ESRRG: variants seen among roughly 807,000 people sequenced by gnomAD.
ESRRG encodes the protein estrogen related receptor gamma.
In ESRRG, 13 loss-of-function variants were observed where a neutral mutation model predicts 44.0. The observed-to-expected ratio is 0.30, with a 90% CI of 0.19 to 0.47. ESRRG has a LOEUF of 0.47. ESRRG is among the 20% of genes least tolerant of loss of function. ESRRG has a pLI of 1.00. For synonymous variants in ESRRG, 215 were observed against 214.6 expected (o/e 1.00, Z -0.02); for missense variants, 395 against 580.6 (o/e 0.68, Z 3.29).
intron 3 of ESRRG, among the ~76,000 whole-genome samples, chr1:216,606,827 T>C (rs1181058981): frequency 1.3e-5 from 2 of 152,184 alleles, no homozygotes; most frequent in African/African-American, 2.4e-5. Flanking sequence ...TGAGAATTAT[T>C]TTAACTCTTC....
rs2086384152 is a variant in ESRRG, at chr1:217,053,138, A to AAAAAAAAAAAAAAAAAAAAC, written c.-106+36368_-106+36369insGTTTTTTTTTTTTTTTTTTT. On this transcript the variant is annotated intron_variant, in intron 1 of 7. Coordinates refer to the ESRRG transcript ENST00000359162. ...AACATAGCAAAATCCCATCTTAAAAAAAAAAAAAAAAAAAACAGAAAGAAA... is the reference window on the plus strand; with the variant it reads ...AACATAGCAAAATCCCATCTTAAAAAAAAAAAAAAAAAAAAAAAACAAAAAAAAAAAAAAACAGAAAGAAA... Among the ~76,000 whole-genome samples, 4 of 120,326 alleles carry AAAAAAAAAAAAAAAAAAAAC rather than the reference A, an allele frequency of 3.3e-5. No homozygotes were observed. In the East Asian group the frequency reaches 6.3e-4, roughly 19 times the overall value. The allele number at this position is 120,326 out of a possible 152,430, so 78.9% of individuals were successfully genotyped here.
At chr1:217,126,979 T>C (rs758988855) in intron 1 of ESRRG, among the ~76,000 whole-genome samples, 3 of 152,230 alleles carry the variant, frequency 2.0e-5, no homozygotes, top group Non-Finnish European at 4.4e-5. Flanking sequence ...ATTATTTACC[T>C]TTTGTGCATA....
chr1:217,080,024 C>T (rs1334157497), intron 1 of ESRRG, among the ~76,000 whole-genome samples: 1 of 152,158 alleles, frequency 6.6e-6, no homozygotes, highest in African/African-American at 2.4e-5. Context: ...TGGTAAATTG[C>T]AGCCTAAACA....
intron 2 of ESRRG, among the ~76,000 whole-genome samples, chr1:216,738,911 G>T (rs2090316291): frequency 6.6e-6 from 1 of 152,124 alleles, no homozygotes; most frequent in East Asian, 1.9e-4. Context: ...GAGTGCAGTG[G>T]TGCAATCATA....
At chr1:217,061,485 A>G (rs902292425) in intron 1 of ESRRG, among the ~76,000 whole-genome samples, 1 of 152,082 alleles carries the variant, frequency 6.6e-6, no homozygotes, top group African/African-American at 2.4e-5. Flanking sequence ...CTCCCCCCAC[A>G]CTTAAATATG....
chr1:216,768,974 A>G (rs2093252485), intron 2 of ESRRG, among the ~76,000 whole-genome samples: 1 of 152,106 alleles, frequency 6.6e-6, no homozygotes, highest in South Asian at 2.1e-4. Flanking sequence ...TAGAACTGAC[A>G]TTAAGTCACA....
In ESRRG at chr1:216,773,298, C is replaced by A. The variant is rs376456463; in HGVS notation, c.-13-95807G>T. Among the ~76,000 whole-genome samples the A allele has an allele frequency of 2.6e-5, 4 of 152,212 alleles. No individual in the cohort carries two copies. The East Asian group carries it at 7.7e-4, about 29-fold the overall frequency. On this transcript the variant is annotated intron_variant, in intron 2 of 7. Transcript: ENST00000359162. ...CCATGGAATTCATGCATTTTGCACA[C>A]AGATATAGCTTGCTTTTGGTTTAAA...
chr1:216,830,634 A>G lies in ESRRG; in HGVS notation c.-14+108948T>C, dbSNP rs545375136. 8.5e-5 allele frequency among the ~76,000 whole-genome samples: 13 copies of G among 152,152 alleles called. No homozygotes were observed. The South Asian group carries it at 2.7e-3, about 32-fold the overall frequency. ...ATGCAGGATCTTGGCTCCAAGCCTCACTCAGACTTTTTTCACCCGCTAGAT... is the reference window on the plus strand; with the variant it reads ...ATGCAGGATCTTGGCTCCAAGCCTCGCTCAGACTTTTTTCACCCGCTAGAT... On this transcript the variant is annotated intron_variant, in intron 2 of 7. Coordinates refer to the ESRRG transcript ENST00000359162.
chr1:216,988,629 T>C (rs966948469), intron 1 of ESRRG, among the ~76,000 whole-genome samples: 2 of 152,208 alleles, frequency 1.3e-5, no homozygotes, highest in African/African-American at 4.8e-5. Context: ...CCATACTTAG[T>C]TCCTCTTTAG....
At chr1:216,837,407 T>C (rs1356015857) in intron 2 of ESRRG, among the ~76,000 whole-genome samples, 2 of 53,772 alleles carry the variant, frequency 3.7e-5, no homozygotes, top group African/African-American at 2.1e-4. Flanking sequence ...CAAGACTCCG[T>C]ATCAAAAAAA....
chr1:216,797,027 G>T (rs1467205447), intron 2 of ESRRG, among the ~76,000 whole-genome samples: 1 of 152,006 alleles, frequency 6.6e-6, no homozygotes, highest in Non-Finnish European at 1.5e-5. Context: ...GAGTAGCTGG[G>T]ATTACAGGCG....
At chr1:217,066,124 G>A (rs1301742378) in intron 1 of ESRRG, among the ~76,000 whole-genome samples, 2 of 152,154 alleles carry the variant, frequency 1.3e-5, no homozygotes, top group Non-Finnish European at 2.9e-5. Context: ...TGTTGTGCTG[G>A]TGTTGTTAAA....
intron 1 of ESRRG, among the ~76,000 whole-genome samples, chr1:217,114,399 C>A (rs1166332): frequency 0.58 from 88,028 of 151,628 alleles, 26,130 homozygotes; most frequent in African/African-American, 0.68. Flanking sequence ...AATTTGGACA[C>A]GGCTGAAAAA....
At chr1:216,948,607 C>A (rs1450256735) in intron 1 of ESRRG, among the ~76,000 whole-genome samples, 1 of 151,696 alleles carries the variant, frequency 6.6e-6, no homozygotes, top group Non-Finnish European at 1.5e-5. Context: ...TTATGTACCC[C>A]CTCTCCCCCC....
At chr1:216,660,493 A>G (rs2072014501) in intron 2 of ESRRG, among the ~76,000 whole-genome samples, 1 of 152,252 alleles carries the variant, frequency 6.6e-6, no homozygotes, top group Non-Finnish European at 1.5e-5. Flanking sequence ...GAACCCAGGC[A>G]ATCTGGATCC....
chr1:216,660,825 T>C lies in ESRRG; in HGVS notation c.473-9736A>G, dbSNP rs148266653. On this transcript the variant is annotated intron_variant, in intron 2 of 6. Transcript: ENST00000408911. ...TCTCAACACCTCAAAAAGAAATCCC[T>C]TAACTTGTCTCTGTACCAGTATGGT... Among the ~76,000 whole-genome samples, 658 of 152,308 alleles carry C rather than the reference T, an allele frequency of 4.3e-3. 4 individuals are homozygous for C. The highest frequency in any genetic ancestry group is 7.6e-3 in the Non-Finnish European group (517 of 68,018).
chr1:216,640,739 CA>C lies in ESRRG; in HGVS notation c.589+10233del, dbSNP rs1292121761. Among the ~76,000 whole-genome samples the C allele has an allele frequency of 2.6e-5, 4 of 152,116 alleles. No individual in the cohort carries two copies. In the East Asian group the frequency reaches 7.7e-4, roughly 29 times the overall value. ...AGCACTTCATTAAATGAGTCTTATT[CA>C]AGTGTACACCTGAATTCCTTTAGTT... is the stretch of plus-strand genomic sequence containing the variant. On this transcript the variant is annotated intron_variant, in intron 3 of 6. Transcript: ENST00000408911.
chr1:216,713,962 G>C (rs1004921451), intron 1 of ESRRG, among the ~76,000 whole-genome samples: 1 of 152,090 alleles, frequency 6.6e-6, no homozygotes, highest in Non-Finnish European at 1.5e-5. Flanking sequence ...AGTTTGTACT[G>C]CTCCTCTCTC....
chr1:216,997,560 T>G (rs2076523293), intron 1 of ESRRG, among the ~76,000 whole-genome samples: 5 of 152,218 alleles, frequency 3.3e-5, no homozygotes, highest in Admixed American at 3.3e-4. Flanking sequence ...AGACTTTGAG[T>G]TGTTACATTA....
Sources: gnomAD v4.1 joint callset for allele counts (sites outside exome capture counted in the v4.1 genomes callset) on GRCh38, gnomAD v4.1.1 for gene constraint, MANE v1.5 for transcripts, NCBI Gene and HGNC (gene_info 2026-07-23, HGNC 2026-07-21) for gene names.